PUS10: variants seen among roughly 807,000 people sequenced by gnomAD.
PUS10 encodes the protein tRNA pseudouridine synthase Pus10.
Under a neutral mutation model 75.0 loss-of-function variants are expected in PUS10, and 59 were observed. That is an observed-to-expected ratio of 0.79 (90% CI 0.64 to 0.98). PUS10 has a LOEUF of 0.98. Ranked by LOEUF, PUS10 falls within the 50% of genes least tolerant of loss-of-function variation. The pLI is 0.00. For synonymous variants in PUS10, 219 were observed against 211.6 expected, an observed-to-expected ratio of 1.03 and a Z score of -0.30; for missense variants, 650 against 614.4, an observed-to-expected ratio of 1.06 and a Z score of -0.61.
rs184273716 is a variant in PUS10, at chr2:60,975,150, T to C, written c.469-3593A>G. On this transcript the variant is annotated intron_variant, in intron 4 of 17. Transcript: ENST00000316752. Reference sequence around the variant, plus strand: ...GCATGGGCATAGTATCATGGTTCTGTTTGTTTGTTTGTTTGAGACGGAGCC... The same window carrying C: ...GCATGGGCATAGTATCATGGTTCTGCTTGTTTGTTTGTTTGAGACGGAGCC... Among the ~76,000 whole-genome samples, 557 of 152,264 alleles carry C rather than the reference T, an allele frequency of 3.7e-3. 3 individuals carry two copies. The highest frequency in any genetic ancestry group is 0.013 in the African/African-American group (539 of 41,540).
chr2:60,942,143 CAT>C lies in PUS10; in HGVS notation c.*250_*251del. The stretch of plus-strand genomic sequence containing the variant: ...AATTAAGGAGAATTATTTCATTATT[CAT>C]AGTTTGGTTTGTGGGGGTGAAAGAG... On this transcript the variant is annotated 3_prime_UTR_variant, in exon 18 of 18. Transcript: ENST00000316752. The C allele has an allele frequency of 2.3e-6, 1 of 429,782 alleles. No individual in the cohort carries two copies. 26.6% of individuals were successfully genotyped at this position (429,782 alleles called of 1,614,324 possible).
chr2:61,007,583 A>C (rs1679304175), intron 3 of PUS10, among the ~76,000 whole-genome samples: 1 of 152,016 alleles, frequency 6.6e-6, no homozygotes, highest in Non-Finnish European at 1.5e-5. Context: ...AGACTGGCCA[A>C]CATGGTGAAA....
At chr2:60,945,961 G>A (rs1347730689) in intron 16 of PUS10, among the ~76,000 whole-genome samples, 2 of 152,124 alleles carry the variant, frequency 1.3e-5, no homozygotes, top group Admixed American at 6.5e-5. Context: ...GTTTCCAGAT[G>A]ATGAAAAATC....
intron 4 of PUS10, among the ~76,000 whole-genome samples, chr2:60,991,090 G>A (rs1042776587): frequency 1.3e-5 from 2 of 152,074 alleles, no homozygotes; most frequent in African/African-American, 4.8e-5. Flanking sequence ...TGTTGCCCAG[G>A]CTGGTCTCAA....
intron 4 of PUS10, among the ~76,000 whole-genome samples, chr2:60,983,750 CAT>C (rs1677553657): frequency 6.6e-6 from 1 of 151,328 alleles, no homozygotes; most frequent in African/African-American, 2.4e-5. Context: ...AAAATATACA[CAT>C]ATGATACACC....
intron 1 of PUS10, among the ~76,000 whole-genome samples, chr2:61,012,867 A>AATATATATATATATAT (rs1559006783): frequency 5.8e-4 from 16 of 27,738 alleles, no homozygotes; most frequent in Non-Finnish European, 8.0e-4. Flanking sequence ...AAAAAAAAAA[A>AATATATATATATATAT]ATATATATAT....
At chr2:60,953,251 T>C in intron 14 of PUS10, 137 bp from the exon 15 acceptor site, 2 of 636,128 alleles carry the variant, frequency 3.1e-6, no homozygotes, top group South Asian at 4.1e-5. Context: ...ATTTTTAGTA[T>C]GTTTTCAGAG....
In PUS10 at chr2:61,011,864, C is replaced by G; in HGVS notation, c.27G>C (p.Lys9Asn). ...TATTGAGCAACAACTGGGCCACATG[C>G]TTGTTTTCCTCAGTCAGTGGGAACA... is the stretch of plus-strand genomic sequence containing the variant. The part of the protein sequence containing the change: MFPLTEEN[K>N]HVAQLLLNTG... The change falls in exon 2 of 18, where the codon AAG becomes AAC. Residue 9 changes from lysine to asparagine, a missense_variant. Physicochemically the swap from Lys to Asn is moderately conservative, Grantham distance 94. Transcript: ENST00000316752. The G allele has an allele frequency of 6.2e-7, 1 of 1,605,790 alleles. No individual in the cohort carries two copies. Among genetic ancestry groups the G allele is most frequent in the East Asian group, 2.2e-5 (1 of 44,496 alleles).
chr2:60,974,361 G>A (rs368794014), intron 4 of PUS10, among the ~76,000 whole-genome samples: 1 of 152,022 alleles, frequency 6.6e-6, no homozygotes, highest in Non-Finnish European at 1.5e-5. Flanking sequence ...GACTACAGGC[G>A]CGTGCCACCA....
chr2:60,989,021 CAGTAGGAGTGCAGGGAAT>C (rs1259637255), intron 4 of PUS10, among the ~76,000 whole-genome samples: 1 of 152,026 alleles, frequency 6.6e-6, no homozygotes, highest in East Asian at 1.9e-4. Flanking sequence ...AGGATGGGGA[CAGTAGGAGTGCAGGGAAT>C]AGCAACAATT....
At chr2:60,969,168 C>T (rs1385594225) in intron 5 of PUS10, among the ~76,000 whole-genome samples, 1 of 152,080 alleles carries the variant, frequency 6.6e-6, no homozygotes, top group Non-Finnish European at 1.5e-5. Context: ...GTTTTAAATC[C>T]TTCACAGTCT....
intron 11 of PUS10, among the ~76,000 whole-genome samples, chr2:60,957,509 A>G (rs1238826477): frequency 1.3e-5 from 2 of 152,258 alleles, no homozygotes; most frequent in East Asian, 1.9e-4. Flanking sequence ...CTGTGTAAAC[A>G]TAACACGGTG....
At chr2:60,947,948 C>T (rs1180089875) in intron 16 of PUS10, 95 bp downstream of exon 16, 4 of 1,352,136 alleles carry the variant, frequency 3.0e-6, no homozygotes, top group Non-Finnish European at 4.2e-6. Context: ...TCCCGAATCC[C>T]TCCCAGACCA....
At chr2:60,988,100 T>A (rs1047393725) in intron 4 of PUS10, among the ~76,000 whole-genome samples, 1 of 151,586 alleles carries the variant, frequency 6.6e-6, no homozygotes, top group African/African-American at 2.4e-5. Flanking sequence ...AATAAATAAA[T>A]AAATAAATAA....
At chr2:60,972,562 C>G (rs1227822776) in intron 4 of PUS10, among the ~76,000 whole-genome samples, 1 of 152,196 alleles carries the variant, frequency 6.6e-6, no homozygotes, top group African/African-American at 2.4e-5. Context: ...TAGACTCCCA[C>G]AGCTTTCACC....
chr2:60,943,334 C>T lies in PUS10; in HGVS notation c.1552-901G>A, dbSNP rs186948409. ...TTAAAATCCAGTTCATCTATCTCTA[C>T]TTACCTTTATTTTGTTCTTCTAGGA... On this transcript the variant is annotated intron_variant, in intron 17 of 17. Transcript: ENST00000316752. Among the ~76,000 whole-genome samples, 12 of 152,208 alleles carry T rather than the reference C, an allele frequency of 7.9e-5. No individual in the cohort carries two copies. In the East Asian group the frequency reaches 2.3e-3, roughly 29 times the overall value.
intron 3 of PUS10, among the ~76,000 whole-genome samples, chr2:61,007,210 CTTTTGT>C (rs1558992158): frequency 1.7e-4 from 25 of 146,332 alleles, no homozygotes; most frequent in African/African-American, 5.3e-4. Context: ...GAAGAGTAGG[CTTTTGT>C]TTTTTTTTTT....
intron 1 of PUS10, chr2:61,017,690 C>T: frequency 7.9e-7 from 1 of 1,273,756 alleles, no homozygotes. Flanking sequence ...GTGTCTTACG[C>T]TCCAGGTGCT....
chr2:60,962,225 G>A (rs1331628385), intron 9 of PUS10, among the ~76,000 whole-genome samples: 1 of 152,138 alleles, frequency 6.6e-6, no homozygotes, highest in East Asian at 1.9e-4. Context: ...ACTAGCTTAG[G>A]CAAGTCAACT....
Sources: gnomAD v4.1 joint callset for allele counts (sites outside exome capture counted in the v4.1 genomes callset) on GRCh38, gnomAD v4.1.1 for gene constraint, MANE v1.5 for transcripts, NCBI Gene and HGNC (gene_info 2026-07-23, HGNC 2026-07-21) for gene names.